Variants in ADAM12 observed in about 807,000 individuals in gnomAD.
The protein encoded by ADAM12 is disintegrin and metalloproteinase domain-containing protein 12.
ADAM12 carries 70 observed loss-of-function variants against 106.4 expected under a neutral mutation model. The ratio of observed to expected loss-of-function variants is 0.66; its 90% CI spans 0.54 to 0.80. The LOEUF is 0.80. ADAM12 is among the 30% of genes least tolerant of loss of function. The pLI, the probability that ADAM12 is intolerant of heterozygous loss-of-function variation, is 0.00. For missense variants in ADAM12, 1,010 were observed against 1,171.9 expected (o/e 0.86, Z 2.02); for synonymous variants, 420 against 433.5 (o/e 0.97, Z 0.39).
intron 6 of ADAM12, among the ~76,000 whole-genome samples, chr10:126,117,258 C>T (rs1173147157): frequency 6.6e-6 from 1 of 152,190 alleles, no homozygotes; most frequent in Non-Finnish European, 1.5e-5. Context: ...GGGCAGGCCA[C>T]CCTTAGGGGT....
chr10:126,349,684 T>G (rs528821497), intron 1 of ADAM12, among the ~76,000 whole-genome samples: 1 of 152,354 alleles, frequency 6.6e-6, no homozygotes, highest in Non-Finnish European at 1.5e-5. Context: ...AATGAAATTA[T>G]CAAAGGAAGC....
chr10:126,126,641 A>C (rs1300483594), intron 5 of ADAM12, among the ~76,000 whole-genome samples: 1 of 151,932 alleles, frequency 6.6e-6, no homozygotes, highest in African/African-American at 2.4e-5. Context: ...AGTGTTTTTA[A>C]AACATGACCT....
intron 2 of ADAM12, among the ~76,000 whole-genome samples, chr10:126,288,220 A>C (rs1004178809): frequency 5.9e-5 from 9 of 151,988 alleles, no homozygotes; most frequent in Non-Finnish European, 8.8e-5. Flanking sequence ...AGGAGCAGGG[A>C]AACCCTGGAC....
At chr10:126,076,721 GT>G (rs1456749201) in intron 11 of ADAM12, among the ~76,000 whole-genome samples, 3 of 152,084 alleles carry the variant, frequency 2.0e-5, no homozygotes, top group South Asian at 2.1e-4. Flanking sequence ...TTTTTTACTT[GT>G]TGATTTAAGT....
At chr10:126,175,657 A>G (rs1590562984) in intron 3 of ADAM12, among the ~76,000 whole-genome samples, 2 of 152,202 alleles carry the variant, frequency 1.3e-5, no homozygotes, top group South Asian at 2.1e-4. Context: ...GAGTGGCGAG[A>G]GAGGGACGTG....
chr10:126,287,926 G>A (rs1012882190), intron 2 of ADAM12, among the ~76,000 whole-genome samples: 3 of 152,118 alleles, frequency 2.0e-5, no homozygotes, highest in East Asian at 1.9e-4. Flanking sequence ...CCACATTACA[G>A]TCCCCACACC....
chr10:126,174,757 CTTTTT>C (rs201248510), intron 3 of ADAM12, among the ~76,000 whole-genome samples: 1 of 145,558 alleles, frequency 6.9e-6, no homozygotes, highest in Non-Finnish European at 1.5e-5. Flanking sequence ...CTCACCCCCC[CTTTTT>C]TTTTTTTTGA....
intron 18 of ADAM12, chr10:126,041,718 G>C: frequency 3.9e-6 from 4 of 1,023,130 alleles, no homozygotes; most frequent in Non-Finnish European, 4.7e-6. Context: ...AGTCATCAGG[G>C]CTGCCAAGGC....
intron 1 of ADAM12, among the ~76,000 whole-genome samples, chr10:126,346,089 C>T (rs919836487): frequency 2.0e-5 from 3 of 152,096 alleles, no homozygotes; most frequent in Non-Finnish European, 4.4e-5. Context: ...GCTCTTGCTT[C>T]TCTAGTTCTT....
chr10:126,252,869 G>T (rs1177937887), intron 3 of ADAM12, among the ~76,000 whole-genome samples: 1 of 152,142 alleles, frequency 6.6e-6, no homozygotes, highest in African/African-American at 2.4e-5. Flanking sequence ...GGTTGCCTGG[G>T]TGCAGAGCTG....
At chr10:126,341,256 C>G (rs1350256104) in intron 1 of ADAM12, among the ~76,000 whole-genome samples, 4 of 152,118 alleles carry the variant, frequency 2.6e-5, no homozygotes, top group Non-Finnish European at 5.9e-5. Flanking sequence ...TCTCTACCAC[C>G]CCTCAATCAA....
intron 3 of ADAM12, among the ~76,000 whole-genome samples, chr10:126,258,597 C>T (rs904478836): frequency 1.8e-4 from 28 of 152,228 alleles, no homozygotes; most frequent in African/African-American, 6.8e-4. Flanking sequence ...CTAGTCTGGT[C>T]TTTGGTAGCC....
rs17154079 is a variant in ADAM12 at position 126,038,557 on chromosome 10, A to T, written c.2241-208T>A. Among the ~76,000 whole-genome samples, 10 of 152,368 alleles carry T rather than the reference A, an allele frequency of 6.6e-5. No individual in the cohort carries two copies. The East Asian group carries it at 1.9e-3, about 29-fold the overall frequency. On this transcript the variant is annotated intron_variant, in intron 19 of 22. Coordinates refer to ENST00000448723, the MANE Select transcript of ADAM12 (RefSeq NM_001288973.2). ...CTCAAAACCTCTATTTTGTCAAATT[A>T]GTTCTCACGCTCCATAGAAATGCAG...
intron 8 of ADAM12, among the ~76,000 whole-genome samples, chr10:126,101,840 G>A (rs142043933): frequency 5.9e-5 from 9 of 152,226 alleles, no homozygotes; most frequent in African/African-American, 2.2e-4. Context: ...CCTTCTTCAG[G>A]AACATTAATG....
intron 3 of ADAM12, among the ~76,000 whole-genome samples, chr10:126,234,622 C>T (rs1013531480): frequency 2.6e-5 from 4 of 152,110 alleles, no homozygotes; most frequent in South Asian, 2.1e-4. Flanking sequence ...ACTTGCCTGG[C>T]GAGAAACAGA....
At chr10:126,090,581 T>C (rs1955444824) in intron 11 of ADAM12, among the ~76,000 whole-genome samples, 1 of 152,202 alleles carries the variant, frequency 6.6e-6, no homozygotes, top group Non-Finnish European at 1.5e-5. Context: ...CAAAGAGTCA[T>C]TTCCAGGACA....
intron 2 of ADAM12, among the ~76,000 whole-genome samples, chr10:126,329,266 G>A (rs1854420041): frequency 6.6e-6 from 1 of 152,226 alleles, no homozygotes; most frequent in East Asian, 1.9e-4. Flanking sequence ...TCTAACCCCA[G>A]GGAAAGTCTA....
chr10:126,135,691 A>T (rs772877235), intron 4 of ADAM12, 31 bp from the exon 5 acceptor site: 7 of 1,590,482 alleles, frequency 4.4e-6, no homozygotes, highest in Non-Finnish European at 6.0e-6. Context: ...ATCCCATTTC[A>T]GTTATAACAC....
At chr10:126,159,517 T>C (rs144575525) in intron 3 of ADAM12, among the ~76,000 whole-genome samples, 146 of 152,256 alleles carry the variant, frequency 9.6e-4, no homozygotes, top group African/African-American at 3.2e-3. Context: ...ACAAGGTATA[T>C]AGATACCTAA....
Sources: allele counts gnomAD v4.1 joint callset (sites outside exome capture counted in the v4.1 genomes callset), GRCh38; gene constraint gnomAD v4.1.1; transcripts MANE v1.5; gene names NCBI Gene and HGNC (gene_info 2026-07-23, HGNC 2026-07-21).